The following LRRC7 variants were observed in gnomAD, a reference collection of about 807,000 sequenced individuals.
LRRC7 encodes the protein leucine rich repeat containing 7.
Under a neutral mutation model 175.7 loss-of-function variants are expected in LRRC7, and 23 were observed. The ratio of observed to expected loss-of-function variants is 0.13; its 90% CI spans 0.09 to 0.19. The LOEUF (loss-of-function observed/expected upper bound fraction) is 0.19. LRRC7 is among the 10% of genes least tolerant of loss of function. The probability of loss-of-function intolerance (pLI) is 1.00; values close to 1 mark genes in which losing one functional copy is unlikely to be tolerated. For missense variants in LRRC7, 1,354 were observed against 1,904.7 expected, an observed-to-expected ratio of 0.71 and a Z score of 5.38; for synonymous variants, 685 against 680.9, an observed-to-expected ratio of 1.01 and a Z score of -0.09.
intron 3 of LRRC7, among the ~76,000 whole-genome samples, chr1:69,789,516 T>A (rs918015441): frequency 6.6e-6 from 1 of 152,102 alleles, no homozygotes. Flanking sequence ...TTAAAATGCC[T>A]TTTTAATTTC....
At chr1:69,835,611 AG>A (rs1183142486) in intron 6 of LRRC7, among the ~76,000 whole-genome samples, 1 of 152,042 alleles carries the variant, frequency 6.6e-6, no homozygotes, top group Non-Finnish European at 1.5e-5. Context: ...ACCTTCATGC[AG>A]GGCAGTATGC....
chr1:70,104,347 G>C (rs1665003182), intron 25 of LRRC7, among the ~76,000 whole-genome samples: 1 of 152,298 alleles, frequency 6.6e-6, no homozygotes, highest in South Asian at 2.1e-4. Flanking sequence ...AATGGGTTTA[G>C]ATTTATCTGG....
At chr1:69,634,397 T>C (rs1652995778) in intron 1 of LRRC7, among the ~76,000 whole-genome samples, 1 of 152,124 alleles carries the variant, frequency 6.6e-6, no homozygotes, top group African/African-American at 2.4e-5. Flanking sequence ...GCAAGATCTT[T>C]GAGATAATCA....
At chr1:70,004,151 C>T (rs1324096251) in intron 11 of LRRC7, among the ~76,000 whole-genome samples, 1 of 152,088 alleles carries the variant, frequency 6.6e-6, no homozygotes, top group Non-Finnish European at 1.5e-5. Context: ...GAGGTAAAAT[C>T]TAGATGATTT....
chr1:69,636,129 A>G (rs1443069489), intron 1 of LRRC7, among the ~76,000 whole-genome samples: 1 of 152,036 alleles, frequency 6.6e-6, no homozygotes, highest in East Asian at 1.9e-4. Context: ...GCATCAATTC[A>G]ATAGTACCTA....
At chr1:69,856,355 T>C (rs1025110951) in intron 7 of LRRC7, among the ~76,000 whole-genome samples, 4 of 152,056 alleles carry the variant, frequency 2.6e-5, no homozygotes, top group South Asian at 2.1e-4. Context: ...ACAAAATTGA[T>C]AGACCACTAG....
chr1:69,781,688 G>GAAGAAAGAAGAAAGAAAGA (rs1673532696), intron 3 of LRRC7, among the ~76,000 whole-genome samples: 1 of 43,906 alleles, frequency 2.3e-5, no homozygotes, highest in African/African-American at 1.2e-4. Context: ...TCAAAAAAAA[G>GAAGAAAGAAGAAAGAAAGA]AAGAAAGAAA....
At position 69,803,104 on chromosome 1, in the gene LRRC7, C is replaced by T. The variant is rs528539841; in HGVS notation, c.421+10944C>T. Among the ~76,000 whole-genome samples, 4 of 151,482 alleles carry T rather than the reference C, an allele frequency of 2.6e-5. No individual in the cohort carries two copies. In the South Asian group the frequency reaches 6.2e-4, roughly 24 times the overall value. On this transcript the variant is annotated intron_variant, in intron 4 of 26. Coordinates refer to ENST00000651989, the MANE Select transcript of LRRC7 (RefSeq NM_001370785.2). ...GCTTTTCCCCAAACTATTCATCCTG[C>T]TCCATTGCCTTATTTGCCGATTCCT...
chr1:69,772,546 C>T (rs1672356589), intron 3 of LRRC7, among the ~76,000 whole-genome samples: 1 of 152,128 alleles, frequency 6.6e-6, no homozygotes, highest in Non-Finnish European at 1.5e-5. Context: ...CATGAAATTA[C>T]TTTTATTTTA....
At chr1:69,780,910 T>A (rs947527494) in intron 3 of LRRC7, among the ~76,000 whole-genome samples, 11 of 152,160 alleles carry the variant, frequency 7.2e-5, no homozygotes, top group Admixed American at 4.6e-4. Context: ...AATATAAAGC[T>A]TTTCAGGAAA....
chr1:69,860,397 G>A (rs1210172490), intron 7 of LRRC7, among the ~76,000 whole-genome samples: 1 of 152,024 alleles, frequency 6.6e-6, no homozygotes, highest in African/African-American at 2.4e-5. Flanking sequence ...GACTTAAGGA[G>A]ACTGAGAAAC....
At chr1:69,591,705 T>C (rs1463193562) in intron 1 of LRRC7, among the ~76,000 whole-genome samples, 1 of 152,102 alleles carries the variant, frequency 6.6e-6, no homozygotes, top group Non-Finnish European at 1.5e-5. Flanking sequence ...TCAGGATTGA[T>C]GATCAGGTGA....
chr1:70,042,940 G>A (rs1418420955), intron 21 of LRRC7, among the ~76,000 whole-genome samples: 1 of 151,824 alleles, frequency 6.6e-6, no homozygotes, highest in Non-Finnish European at 1.5e-5. Flanking sequence ...GCTACCTGCT[G>A]CTAATGTTCA....
intron 8 of LRRC7, among the ~76,000 whole-genome samples, chr1:69,939,528 C>A (rs1168435435): frequency 1.3e-5 from 2 of 152,074 alleles, no homozygotes; most frequent in Non-Finnish European, 2.9e-5. Context: ...TAGAGCCTAA[C>A]ATGGAGCCAC....
At chr1:69,623,603 T>A (rs1214004531) in intron 1 of LRRC7, among the ~76,000 whole-genome samples, 1 of 146,150 alleles carries the variant, frequency 6.8e-6, no homozygotes, top group Non-Finnish European at 1.5e-5. Flanking sequence ...CAGGCTGGAG[T>A]GCAATGGTAC....
intron 2 of LRRC7, among the ~76,000 whole-genome samples, chr1:69,717,886 AAGAGGAGGGAGGGAAGGAGGGAG>A (rs1665727617): frequency 7.4e-6 from 1 of 134,470 alleles, no homozygotes; most frequent in African/African-American, 2.9e-5. Context: ...AAGAGAGAAA[AAGAGGAGGGAGGGAAGGAGGGAG>A]AGAAAGAGAG....
chr1:69,952,376 G>T (rs571968350), intron 8 of LRRC7, among the ~76,000 whole-genome samples: 1 of 152,086 alleles, frequency 6.6e-6, no homozygotes, highest in South Asian at 2.1e-4. Context: ...TATATGGGTG[G>T]ATTAGGAGTC....
At chr1:69,962,834 G>T (rs1651249184) in intron 8 of LRRC7, among the ~76,000 whole-genome samples, 1 of 152,072 alleles carries the variant, frequency 6.6e-6, no homozygotes, top group South Asian at 2.1e-4. Flanking sequence ...AGGACAGAGG[G>T]TGGGAGGCGG....
chr1:70,029,532 T>C (rs1658483497), intron 18 of LRRC7, among the ~76,000 whole-genome samples: 1 of 152,154 alleles, frequency 6.6e-6, no homozygotes, highest in Admixed American at 6.5e-5. Context: ...TGTTTTTTGC[T>C]TATAAAATCA....
Sources: gnomAD v4.1 joint callset for allele counts (sites outside exome capture counted in the v4.1 genomes callset) on GRCh38, gnomAD v4.1.1 for gene constraint, MANE v1.5 for transcripts, NCBI Gene and HGNC (gene_info 2026-07-23, HGNC 2026-07-21) for gene names.